The following SLIT2 variants were observed in gnomAD, a reference collection of about 807,000 sequenced individuals.
The protein encoded by SLIT2 is slit homolog 2 protein.
In SLIT2, 41 loss-of-function variants were observed where a neutral mutation model predicts 185.7. The observed-to-expected ratio is 0.22, with a 90% confidence interval of 0.17 to 0.29. The LOEUF is 0.29. SLIT2 is among the 10% of genes least tolerant of loss of function. The pLI is 1.00. For synonymous variants in SLIT2, 693 were observed against 680.2 expected (o/e 1.02, Z -0.29); for missense variants, 1,571 against 1,909.0 (o/e 0.82, Z 3.30).
At chr4:20,534,729 G>A (rs1203392325) in intron 18 of SLIT2, among the ~76,000 whole-genome samples, 1 of 152,082 alleles carries the variant, frequency 6.6e-6, no homozygotes, top group Non-Finnish European at 1.5e-5. Flanking sequence ...TGACCAGTGG[G>A]CTGAAGGCTG....
chr4:20,408,286 G>A (rs1408923681), intron 4 of SLIT2, among the ~76,000 whole-genome samples: 1 of 152,200 alleles, frequency 6.6e-6, no homozygotes, highest in Admixed American at 6.5e-5. Flanking sequence ...ATAATACTGC[G>A]ATAAAAACAT....
intron 12 of SLIT2, among the ~76,000 whole-genome samples, chr4:20,520,464 T>C (rs937216159): frequency 6.6e-6 from 1 of 152,204 alleles, no homozygotes; most frequent in Non-Finnish European, 1.5e-5. Context: ...TGTAATTTTT[T>C]TCTTAGTAAA....
At chr4:20,365,231 GT>G (rs1260022633) in intron 4 of SLIT2, among the ~76,000 whole-genome samples, 2 of 152,104 alleles carry the variant, frequency 1.3e-5, no homozygotes, top group Non-Finnish European at 2.9e-5. Flanking sequence ...TCCCGTATCA[GT>G]TAAGAATGGT....
chr4:20,361,078 A>C (rs907618978), intron 4 of SLIT2, among the ~76,000 whole-genome samples: 1 of 152,154 alleles, frequency 6.6e-6, no homozygotes, highest in Non-Finnish European at 1.5e-5. Context: ...ACCTTGCAGG[A>C]CATCCTTTGT....
chr4:20,605,555 T>C (rs373786230), intron 33 of SLIT2, among the ~76,000 whole-genome samples: 8 of 152,274 alleles, frequency 5.3e-5, no homozygotes, highest in African/African-American at 1.7e-4. Context: ...AAAGAGAGTT[T>C]ATCAATACTT....
At chr4:20,282,566 A>C (rs557846315) in intron 4 of SLIT2, among the ~76,000 whole-genome samples, 15 of 152,290 alleles carry the variant, frequency 9.8e-5, no homozygotes, top group Non-Finnish European at 2.2e-4. Context: ...TCCAGTGTGC[A>C]CTCCAGTGGT....
At chr4:20,407,491 C>G (rs10008965) in intron 4 of SLIT2, among the ~76,000 whole-genome samples, 32,364 of 152,134 alleles carry the variant, frequency 0.21, 3,727 homozygotes, top group Non-Finnish European at 0.27. Context: ...GATATCTTCC[C>G]CCTCCCTGGC....
intron 9 of SLIT2, among the ~76,000 whole-genome samples, chr4:20,509,297 G>T (rs1719492331): frequency 6.6e-6 from 1 of 151,936 alleles, no homozygotes; most frequent in African/African-American, 2.4e-5. Context: ...TTAATGTAGA[G>T]AATAGACTGA....
chr4:20,322,921 A>C (rs2109171455), intron 4 of SLIT2, among the ~76,000 whole-genome samples: 1 of 152,292 alleles, frequency 6.6e-6, no homozygotes, highest in Admixed American at 6.5e-5. Context: ...TTGTAAAAGG[A>C]GTCTTCTACA....
intron 8 of SLIT2, chr4:20,490,684 TATC>T: frequency 2.9e-6 from 2 of 697,794 alleles, no homozygotes; most frequent in South Asian, 3.8e-5. Flanking sequence ...TTTTGTATAA[TATC>T]ATGGAATGTT....
chr4:20,294,930 C>T (rs1022544356), intron 4 of SLIT2, among the ~76,000 whole-genome samples: 1 of 152,136 alleles, frequency 6.6e-6, no homozygotes, highest in African/African-American at 2.4e-5. Flanking sequence ...AAGAGACTTG[C>T]ACTATTTAGA....
intron 12 of SLIT2, among the ~76,000 whole-genome samples, chr4:20,522,043 C>A (rs144524275): frequency 6.6e-6 from 1 of 152,082 alleles, no homozygotes; most frequent in Admixed American, 6.5e-5. Flanking sequence ...CCTCTTAAGG[C>A]GGGAATTTAA....
intron 4 of SLIT2, among the ~76,000 whole-genome samples, chr4:20,459,533 G>A (rs1261953807): frequency 1.3e-5 from 2 of 152,124 alleles, no homozygotes; most frequent in Non-Finnish European, 2.9e-5. Context: ...ATATATTGAT[G>A]TATATCACCT....
At chr4:20,316,174 A>G (rs750858552) in intron 4 of SLIT2, among the ~76,000 whole-genome samples, 4 of 152,050 alleles carry the variant, frequency 2.6e-5, no homozygotes, top group Non-Finnish European at 5.9e-5. Context: ...ATTTATTCTA[A>G]GAGATTTATT....
At position 20,283,130 on chromosome 4, in the gene SLIT2, A is replaced by G. The variant is rs547674343; in HGVS notation, c.395+14249A>G. Among the ~76,000 whole-genome samples the G allele has an allele frequency of 6.8e-4, 103 of 152,242 alleles. 1 individual carries two copies. In the East Asian group the frequency reaches 0.019, roughly 28 times the overall value. ...CCTGTGTGCGCGCGCGCACACACACACACACACACACACAAAGTCATTCAA... is the reference window on the plus strand; with the variant it reads ...CCTGTGTGCGCGCGCGCACACACACGCACACACACACACAAAGTCATTCAA... On this transcript the variant is annotated intron_variant, in intron 4 of 36. Coordinates refer to ENST00000504154, the MANE Select transcript of SLIT2 (RefSeq NM_004787.4).
chr4:20,602,931 A>T (rs1216550425), intron 33 of SLIT2, among the ~76,000 whole-genome samples: 2 of 152,124 alleles, frequency 1.3e-5, no homozygotes, highest in African/African-American at 4.8e-5. Context: ...AGCAACATAG[A>T]TGAAATGAGC....
chr4:20,570,906 C>T (rs1725550534), intron 29 of SLIT2, among the ~76,000 whole-genome samples: 1 of 151,498 alleles, frequency 6.6e-6, no homozygotes, highest in South Asian at 2.1e-4. Context: ...ATTTGCTATT[C>T]CTTATTCTTA....
intron 4 of SLIT2, among the ~76,000 whole-genome samples, chr4:20,273,668 T>C (rs909267348): frequency 2.0e-5 from 3 of 152,174 alleles, no homozygotes; most frequent in Non-Finnish European, 4.4e-5. Context: ...ATTTTTCACC[T>C]AAGCAAAATA....
At chr4:20,497,547 G>A (rs1333578385) in intron 9 of SLIT2, among the ~76,000 whole-genome samples, 2 of 152,108 alleles carry the variant, frequency 1.3e-5, no homozygotes, top group Admixed American at 1.3e-4. Context: ...TAAGATACAG[G>A]ATTGTTTGCA....
Sources: gnomAD v4.1 joint callset for allele counts (sites outside exome capture counted in the v4.1 genomes callset) on GRCh38, gnomAD v4.1.1 for gene constraint, MANE v1.5 for transcripts, NCBI Gene and HGNC (gene_info 2026-07-23, HGNC 2026-07-21) for gene names.